Variants in SLC17A2 observed in about 807,000 individuals in gnomAD.
The protein encoded by SLC17A2 is solute carrier family 17 member 2, also known as sodium-dependent phosphate transport protein 3.
A neutral mutation model predicts 52.1 loss-of-function variants in SLC17A2; 38 were observed. That is an observed-to-expected ratio of 0.73 (90% CI 0.56 to 0.96). SLC17A2 has a LOEUF of 0.96. Ranked by LOEUF, SLC17A2 falls within the 40% of genes least tolerant of loss-of-function variation. The probability of loss-of-function intolerance (pLI) is 0.00; values close to 1 mark genes in which losing one functional copy is unlikely to be tolerated. For missense variants in SLC17A2, 508 were observed against 583.9 expected (o/e 0.87, Z 1.34); for synonymous variants, 226 against 211.9 (o/e 1.07, Z -0.58).
intron 5 of SLC17A2, among the ~76,000 whole-genome samples, chr6:25,919,756 C>T (rs1048553801): frequency 1.7e-5 from 2 of 121,050 alleles, no homozygotes; most frequent in African/African-American, 6.1e-5. Flanking sequence ...ATAAGCTATG[C>T]AATAGGATAG....
In SLC17A2 at chr6:25,912,942, C is replaced by T. The variant is rs552235559; in HGVS notation, c.*375G>A. 1.1e-5 allele frequency: 2 copies of T among 174,358 alleles called. No individual in the cohort carries two copies. The highest frequency in any genetic ancestry group is 4.7e-5 in the African/African-American group (2 of 42,152). The allele number at this position is 174,358 out of a possible 1,614,324, so 10.8% of individuals were successfully genotyped here. ...CTTCTCTGCATCCAATAACCTGCCC[C>T]ACCATGAAGATATTTATCAGTGATC... On this transcript the variant is annotated 3_prime_UTR_variant, in exon 12 of 12. Coordinates refer to ENST00000377850, the MANE Select transcript of SLC17A2 (RefSeq NM_001286123.3).
chr6:25,924,971 A>G (rs986580952), intron 2 of SLC17A2, among the ~76,000 whole-genome samples: 2 of 152,212 alleles, frequency 1.3e-5, no homozygotes, highest in African/African-American at 2.4e-5. Flanking sequence ...TCCCATGTGC[A>G]TGATAGATTG....
At chr6:25,918,107 T>C (rs9461223) in intron 6 of SLC17A2, among the ~76,000 whole-genome samples, 16,018 of 152,264 alleles carry the variant, frequency 0.11, 1,031 homozygotes, top group African/African-American at 0.17. Flanking sequence ...ATAATAATTA[T>C]AATGAAATAT....
intron 1 of SLC17A2, among the ~76,000 whole-genome samples, chr6:25,928,795 C>T (rs1004227970): frequency 6.6e-6 from 1 of 151,978 alleles, no homozygotes; most frequent in African/African-American, 2.4e-5. Flanking sequence ...CAATTGAGAA[C>T]ATGTAACAGT....
chr6:25,928,263 C>T (rs1766832846), intron 1 of SLC17A2, among the ~76,000 whole-genome samples: 2 of 151,958 alleles, frequency 1.3e-5, no homozygotes, highest in Admixed American at 1.3e-4. Context: ...TAATCACAAG[C>T]TTAAAACTCA....
intron 11 of SLC17A2, 43 bp downstream of exon 11, chr6:25,914,537 A>C (rs375578149): frequency 1.1e-5 from 14 of 1,280,726 alleles, no homozygotes; most frequent in Non-Finnish European, 1.6e-5. Context: ...CAACACCTAA[A>C]ACAATACCTG....
In SLC17A2 at chr6:25,921,093, C is replaced by T; in HGVS notation, c.475G>A (p.Gly159Arg). The T allele has an allele frequency of 6.2e-7, 1 of 1,614,042 alleles. No homozygotes were observed. Residue 159 changes from glycine (G) to arginine (R), a missense_variant and splice_region_variant, in exon 5 of 12, where the codon GGA (glycine) becomes AGA (arginine). Gly to Arg is a moderately radical substitution (Grantham distance 125). Transcript: ENST00000377850. ...GTAAACTGACCTGTCCATGCCATTCCCTGAAATGAAAATCATTAAGACCTT... is the reference window on the plus strand; with the variant it reads ...GTAAACTGACCTGTCCATGCCATTCTCTGAAATGAAAATCATTAAGACCTT... ...MVRTVQGMAQ[G>R]MAWTGQFTIW...
intron 6 of SLC17A2, among the ~76,000 whole-genome samples, chr6:25,917,908 T>G (rs1315478146): frequency 2.6e-5 from 4 of 152,128 alleles, no homozygotes; most frequent in Non-Finnish European, 5.9e-5. Context: ...CATTTCACAG[T>G]CTAGTGGAAA....
In SLC17A2 at chr6:25,915,795, A is replaced by T; in HGVS notation, c.1004T>A (p.Phe335Tyr). Residue 335 changes from phenylalanine (F) to tyrosine (Y), a missense_variant, in exon 9 of 12, where the codon TTC (phenylalanine) becomes TAC (tyrosine). Transcript: ENST00000377850. ...TCTGAGAAGATTCCTGGACAAAAGGAAATCTGCCAGCTGACCTCCTAAAAT... is the reference window on the plus strand; with the variant it reads ...TCTGAGAAGATTCCTGGACAAAAGGTAATCTGCCAGCTGACCTCCTAAAAT... ...CTILGGQLAD[F>Y]LLSRNLLRLI... The T allele has an allele frequency of 6.2e-7, 1 of 1,614,220 alleles. No homozygotes were observed. Among genetic ancestry groups the T allele is most frequent in the South Asian group, 1.1e-5 (1 of 91,084 alleles).
In SLC17A2 at chr6:25,925,749, A is replaced by C. The variant is rs376391973; in HGVS notation, c.28+20T>G. On this transcript the variant is annotated intron_variant, in intron 2 of 11. Coordinates refer to ENST00000377850, the MANE Select transcript of SLC17A2 (RefSeq NM_001286123.3). Reference sequence around the variant, plus strand: ...CTTCAGCTTATTAACATAGCCTGCAAACAAGAGCAGTGGCTTTACCTTTCC... The same window carrying C: ...CTTCAGCTTATTAACATAGCCTGCACACAAGAGCAGTGGCTTTACCTTTCC... 7 of 1,612,146 alleles carry C rather than the reference A, an allele frequency of 4.3e-6. No individual in the cohort carries two copies. The highest frequency in any genetic ancestry group is 5.9e-6 in the Non-Finnish European group (7 of 1,178,202).
At chr6:25,925,723 G>T in intron 2 of SLC17A2, 46 bp downstream of exon 2, 1 of 1,563,308 alleles carries the variant, frequency 6.4e-7, no homozygotes, top group Non-Finnish European at 8.8e-7. Flanking sequence ...GTCGGAATAA[G>T]CTTCAGCTTA....
At chr6:25,918,235 C>T (rs1766402571) in intron 6 of SLC17A2, among the ~76,000 whole-genome samples, 1 of 152,216 alleles carries the variant, frequency 6.6e-6, no homozygotes, top group Admixed American at 6.5e-5. Context: ...GACAAGACTG[C>T]ATCACAAGTC....
intron 2 of SLC17A2, among the ~76,000 whole-genome samples, chr6:25,925,247 C>T (rs770953429): frequency 2.6e-5 from 4 of 152,070 alleles, no homozygotes; most frequent in Non-Finnish European, 5.9e-5. Context: ...GGCGTGGTGG[C>T]CCATGCCTGT....
intron 11 of SLC17A2, among the ~76,000 whole-genome samples, chr6:25,914,247 GC>G (rs1766214380): frequency 1.3e-5 from 2 of 152,052 alleles, no homozygotes; most frequent in South Asian, 2.1e-4. Flanking sequence ...ATCTTCTTTT[GC>G]CCCTCTGTCT....
Position 25,925,889 on chromosome 6 carries a change from G to C in SLC17A2, c.-83-10C>G. 8.0e-7 allele frequency: 1 copy of C among 1,250,680 alleles called. No homozygotes were observed. Among genetic ancestry groups the C allele is most frequent in the Non-Finnish European group, 1.2e-6 (1 of 848,464 alleles). The allele number at this position is 1,250,680 out of a possible 1,614,324, so 77.5% of individuals were successfully genotyped here. A position where few individuals can be genotyped will look rare whatever the true frequency, so the allele number is the denominator to read the frequency against. The stretch of plus-strand genomic sequence containing the variant: ...TACGACAGTCTTTTATCTATGGAGA[G>C]AACATAATCCAAAACATAATACACA... On this transcript the variant is annotated splice_polypyrimidine_tract_variant and intron_variant, in intron 1 of 11. Coordinates refer to ENST00000377850, the MANE Select transcript of SLC17A2 (RefSeq NM_001286123.3).
chr6:25,913,487 C>G (rs373202859), intron 11 of SLC17A2, 36 bp from the exon 12 acceptor site: 15 of 1,605,638 alleles, frequency 9.3e-6, no homozygotes, highest in Non-Finnish European at 1.3e-5. Flanking sequence ...ATCAATCTCA[C>G]AAGTTCCTTC....
intron 2 of SLC17A2, among the ~76,000 whole-genome samples, chr6:25,924,726 T>C (rs1247613662): frequency 1.3e-5 from 2 of 151,684 alleles, no homozygotes; most frequent in Non-Finnish European, 2.9e-5. Flanking sequence ...GGAGAATCAC[T>C]TGAACCCAGG....
chr6:25,921,398 T>C lies in SLC17A2; in HGVS notation c.255A>G (p.Gln85=), dbSNP rs561798871. 1.6e-5 allele frequency: 26 copies of C among 1,613,248 alleles called. No individual in the cohort carries two copies. Among genetic ancestry groups the C allele is most frequent in the South Asian group, 7.7e-5 (7 of 91,060 alleles). The change falls in exon 4 of 12, where the codon CAA becomes CAG. Residue 85 remains glutamine, a synonymous_variant. Transcript: ENST00000377850. ...TGATACCCTGAGTTTCTGGGCTCCA[T>C]TGATACACAGAGGCCTGGGGGAAAA... is the stretch of plus-strand genomic sequence containing the variant. ...KEFDTKASVY[Q]WSPETQGIIF...
Position 25,915,614 on chromosome 6 carries a change from G to C in SLC17A2, c.1096C>G (p.Leu366Val). ...ACGTAACTGGAGGCCACAAAGGGCA[G>C]GGCCACAGCACATATTGATGGAAGG... is the stretch of plus-strand genomic sequence containing the variant. ...LLLPSICAVALPFVASSYVIT... is the reference protein window; with the variant it reads ...LLLPSICAVAVPFVASSYVIT... The change falls in exon 10 of 12, where the codon CTG (leucine) becomes GTG (valine). Residue 366 changes from leucine to valine, a missense_variant. Leu to Val is a conservative substitution (Grantham distance 32). Coordinates refer to ENST00000377850, the MANE Select transcript of SLC17A2 (RefSeq NM_001286123.3). The C allele has an allele frequency of 6.2e-7, 1 of 1,613,922 alleles. No individual in the cohort carries two copies. Among genetic ancestry groups the C allele is most frequent in the Non-Finnish European group, 8.5e-7 (1 of 1,179,884 alleles).
Sources: allele counts gnomAD v4.1 joint callset (sites outside exome capture counted in the v4.1 genomes callset), GRCh38; gene constraint gnomAD v4.1.1; transcripts MANE v1.5; gene names NCBI Gene and HGNC (gene_info 2026-07-23, HGNC 2026-07-21).